The following ZNF79 variants were observed in gnomAD, a reference collection of about 807,000 sequenced individuals.
The protein encoded by ZNF79 is ZNFpT7.
A neutral mutation model predicts 14.9 loss-of-function variants in ZNF79; 13 were observed. The ratio of observed to expected loss-of-function variants is 0.87; its 90% CI spans 0.57 to 1.38. The LOEUF is 1.38. Ranked by LOEUF, ZNF79 falls within the 40% of genes most tolerant of loss-of-function variation. The probability of loss-of-function intolerance (pLI) is 0.00; values close to 1 mark genes in which losing one functional copy is unlikely to be tolerated. For missense variants in ZNF79, 631 were observed against 630.6 expected (o/e 1.00, Z -0.01); for synonymous variants, 223 against 235.1 (o/e 0.95, Z 0.47).
chr9:127,436,193 T>A (rs946928773), intron 4 of ZNF79, among the ~76,000 whole-genome samples, 190 bp downstream of exon 4: 1 of 152,244 alleles, frequency 6.6e-6, no homozygotes, highest in African/African-American at 2.4e-5. Context: ...GTGGCAAGGC[T>A]GGGATTTGAA....
intron 4 of ZNF79, among the ~76,000 whole-genome samples, chr9:127,438,761 G>A (rs1833993691): frequency 6.6e-6 from 1 of 152,126 alleles, no homozygotes; most frequent in Non-Finnish European, 1.5e-5. Context: ...GCAGGGGGAG[G>A]TCAGAGAGAG....
intron 1 of ZNF79, among the ~76,000 whole-genome samples, chr9:127,426,397 G>A (rs10819292): frequency 0.58 from 85,252 of 146,588 alleles, 25,095 homozygotes; most frequent in Middle Eastern, 0.62. Flanking sequence ...TTTTTGAGAC[G>A]GAGTTTTGCT....
chr9:127,426,787 G>T (rs1183382160), intron 1 of ZNF79, among the ~76,000 whole-genome samples: 1 of 152,148 alleles, frequency 6.6e-6, no homozygotes, highest in Non-Finnish European at 1.5e-5. Context: ...TTGTGTGTGT[G>T]TATGTTTGAT....
chr9:127,440,677 C>T (rs560412048), intron 4 of ZNF79, among the ~76,000 whole-genome samples: 28 of 152,080 alleles, frequency 1.8e-4, no homozygotes, highest in Non-Finnish European at 7.4e-5. Context: ...AATGGACATT[C>T]GAGGCTCAGG....
intron 2 of ZNF79, among the ~76,000 whole-genome samples, chr9:127,433,918 CTG>C (rs1833901644): frequency 6.6e-6 from 1 of 152,220 alleles, no homozygotes; most frequent in Non-Finnish European, 1.5e-5. Context: ...CAACTTGACA[CTG>C]ACACTGTTGG....
intron 2 of ZNF79, among the ~76,000 whole-genome samples, chr9:127,433,613 C>T (rs933040842): frequency 2.6e-5 from 4 of 152,194 alleles, no homozygotes; most frequent in African/African-American, 4.8e-5. Flanking sequence ...TTTAGCTGAC[C>T]TGTGTGCCTT....
intron 4 of ZNF79, 42 bp downstream of exon 4, chr9:127,436,045 A>G: frequency 6.4e-7 from 1 of 1,569,968 alleles, no homozygotes; most frequent in Non-Finnish European, 8.8e-7. Flanking sequence ...CTTGGGAGCA[A>G]AAGCGCCTTT....
chr9:127,427,622 A>G (rs975002133), intron 1 of ZNF79, among the ~76,000 whole-genome samples: 7 of 148,580 alleles, frequency 4.7e-5, no homozygotes. Flanking sequence ...GGTTACTGCA[A>G]CCTCTGCCTC....
At chr9:127,429,822 CTT>C (rs34638175) in intron 2 of ZNF79, among the ~76,000 whole-genome samples, 192 of 141,854 alleles carry the variant, frequency 1.4e-3, no homozygotes, top group Middle Eastern at 3.6e-3. Flanking sequence ...TTTCTTTTTC[CTT>C]TTTTTTTTTT....
chr9:127,438,998 G>T (rs1029627933), intron 4 of ZNF79, among the ~76,000 whole-genome samples: 27 of 152,164 alleles, frequency 1.8e-4, no homozygotes, highest in African/African-American at 6.0e-4. Context: ...TATAGTCCCA[G>T]CTACTAGGGA....
At chr9:127,440,357 G>T (rs1030027953) in intron 4 of ZNF79, among the ~76,000 whole-genome samples, 13 of 152,144 alleles carry the variant, frequency 8.5e-5, no homozygotes, top group African/African-American at 3.1e-4. Flanking sequence ...GTTTGGAGGA[G>T]ACCTAGGAGA....
chr9:127,445,317 GC>G lies in ZNF79; in HGVS notation c.*123del. 1 of 1,081,098 alleles carries G rather than the reference GC, an allele frequency of 9.2e-7. No homozygotes were observed. Among genetic ancestry groups the G allele is most frequent in the Non-Finnish European group, 1.3e-6 (1 of 758,112 alleles). 67.0% of individuals were successfully genotyped at this position (1,081,098 alleles called of 1,614,324 possible). On this transcript the variant is annotated 3_prime_UTR_variant, in exon 5 of 5. Coordinates refer to ENST00000342483, the MANE Select transcript of ZNF79 (RefSeq NM_007135.3). ...GAAGACATCTAACTTAGAGTCTGCAGCCCAGAGCCACATGCAAAACACCTTC... is the reference window on the plus strand; with the variant it reads ...GAAGACATCTAACTTAGAGTCTGCAGCCAGAGCCACATGCAAAACACCTTC...
intron 2 of ZNF79, among the ~76,000 whole-genome samples, chr9:127,431,300 A>T (rs1239058181): frequency 2.7e-5 from 4 of 149,498 alleles, no homozygotes; most frequent in Non-Finnish European, 4.4e-5. Flanking sequence ...TCTGTCACCC[A>T]GTCTGGAGTG....
Position 127,444,703 on chromosome 9 carries a change from T to G in ZNF79, c.1003T>G (p.Cys335Gly), listed in dbSNP as rs1390562667. Residue 335 changes from cysteine to glycine, a missense_variant, in exon 5 of 5, where the codon TGC (cysteine) becomes GGC (glycine). Physicochemically the swap from Cys to Gly is radical, Grantham distance 159. Coordinates refer to ENST00000342483, the MANE Select transcript of ZNF79 (RefSeq NM_007135.3). Reference protein sequence around the residue: ...RTHTGEKPYKCSECGKAFSYC... With the variant: ...RTHTGEKPYKGSECGKAFSYC... ...TCACACCGGGGAGAAGCCCTACAAGTGCAGCGAGTGTGGGAAGGCCTTCAG... is the reference window on the plus strand; with the variant it reads ...TCACACCGGGGAGAAGCCCTACAAGGGCAGCGAGTGTGGGAAGGCCTTCAG... The G allele has an allele frequency of 1.9e-6, 3 of 1,613,844 alleles. No individual in the cohort carries two copies. Among genetic ancestry groups the G allele is most frequent in the Non-Finnish European group, 2.5e-6 (3 of 1,179,876 alleles).
chr9:127,426,811 A>G (rs1039211024), intron 1 of ZNF79, among the ~76,000 whole-genome samples: 3 of 152,146 alleles, frequency 2.0e-5, no homozygotes, highest in African/African-American at 2.4e-5. Context: ...TCTTGGGCAT[A>G]TACTTAGAAG....
chr9:127,428,170 G>A (rs558761347), intron 1 of ZNF79, among the ~76,000 whole-genome samples: 2 of 151,994 alleles, frequency 1.3e-5, no homozygotes, highest in South Asian at 2.1e-4. Context: ...TAATAGAGAC[G>A]GGGTCTCGCC....
At position 127,445,177 on chromosome 9, in the gene ZNF79, A is replaced by G. The variant is rs1247237558; in HGVS notation, c.1477A>G (p.Arg493Gly). 6.2e-7 allele frequency: 1 copy of G among 1,614,156 alleles called. No homozygotes were observed. The highest frequency in any genetic ancestry group is 2.2e-5 in the East Asian group (1 of 44,890). Residue 493 changes from arginine to glycine, a missense_variant, in exon 5 of 5, where the codon AGA (arginine) becomes GGA (glycine). Physicochemically the swap from Arg to Gly is moderately radical, Grantham distance 125. Coordinates refer to ENST00000342483, the MANE Select transcript of ZNF79 (RefSeq NM_007135.3). ...CAGCTCTGCCTTCGTTAGACATCAG[A>G]GACTCCACGCCGGAGAGTAACTAGG... ...RCSSAFVRHQ[R>G]LHAGE
chr9:127,444,466 A>C lies in ZNF79; in HGVS notation c.766A>C (p.Arg256=). Residue 256 remains arginine (R), a synonymous_variant, in exon 5 of 5, where the codon AGA becomes CGA. Coordinates refer to ENST00000342483, the MANE Select transcript of ZNF79 (RefSeq NM_007135.3). ...GCCTTACAAGTGCAGTGAATGTGGA[A>C]GAGCCTTCAGCCAGAACGCCAACCT... ...EKPYKCSECG[R]AFSQNANLTK... is the part of the protein sequence containing the mutation. The C allele has an allele frequency of 6.2e-7, 1 of 1,610,430 alleles. No individual in the cohort carries two copies. The highest frequency in any genetic ancestry group is 2.2e-5 in the East Asian group (1 of 44,876).
intron 4 of ZNF79, among the ~76,000 whole-genome samples, chr9:127,441,082 CCTT>C (rs1337814363): frequency 2.6e-5 from 4 of 152,090 alleles, no homozygotes; most frequent in Non-Finnish European, 5.9e-5. Context: ...CTCTTCCTCT[CCTT>C]TTGATTTTTT....
Sources: gnomAD v4.1 joint callset for allele counts (sites outside exome capture counted in the v4.1 genomes callset) on GRCh38, gnomAD v4.1.1 for gene constraint, MANE v1.5 for transcripts, NCBI Gene and HGNC (gene_info 2026-07-23, HGNC 2026-07-21) for gene names.